MDN1: variants seen among roughly 807,000 people sequenced by gnomAD.
MDN1 encodes midasin.
MDN1 carries 266 observed loss-of-function variants against 669.2 expected under a neutral mutation model. The observed-to-expected ratio is 0.40, with a 90% CI of 0.36 to 0.44. The LOEUF (loss-of-function observed/expected upper bound fraction) is 0.44, where lower values mean the gene tolerates loss of function less well. Ranked by LOEUF, MDN1 falls within the 20% of genes least tolerant of loss-of-function variation. The pLI is 1.00. For missense variants in MDN1, 5,940 were observed against 6,754.0 expected (o/e 0.88, Z 4.22); for synonymous variants, 2,385 against 2,457.1 (o/e 0.97, Z 0.87).
chr6:89,819,232 T>C (rs1014262731), intron 1 of MDN1, among the ~76,000 whole-genome samples: 1 of 152,122 alleles, frequency 6.6e-6, no homozygotes, highest in Non-Finnish European at 1.5e-5. Context: ...AGGCCACCTC[T>C]GCCACAAGCA....
intron 13 of MDN1, among the ~76,000 whole-genome samples, chr6:89,772,928 C>T (rs966978111): frequency 3.3e-5 from 5 of 152,136 alleles, no homozygotes; most frequent in Admixed American, 6.5e-5. Context: ...ACATCTGATA[C>T]GATGCTAGGC....
intron 4 of MDN1, 68 bp from the exon 5 acceptor site, chr6:89,794,022 C>T (rs1351612882): frequency 2.8e-6 from 4 of 1,435,886 alleles, no homozygotes; most frequent in Admixed American, 4.0e-5. Flanking sequence ...CCTGCAGTCA[C>T]CTCTGGCCTG....
intron 1 of MDN1, among the ~76,000 whole-genome samples, chr6:89,813,608 G>C (rs1768602173): frequency 1.3e-5 from 2 of 151,456 alleles, no homozygotes; most frequent in Admixed American, 6.6e-5. Flanking sequence ...TTGTGCACCT[G>C]TTGTCCCAGC....
chr6:89,808,316 C>G (rs1367847626), intron 1 of MDN1, among the ~76,000 whole-genome samples: 1 of 152,052 alleles, frequency 6.6e-6, no homozygotes, highest in Non-Finnish European at 1.5e-5. Flanking sequence ...TTCTAGCAGG[C>G]AGTTAATCAG....
chr6:89,645,634 T>C (rs1808445082), intron 100 of MDN1, among the ~76,000 whole-genome samples: 1 of 152,260 alleles, frequency 6.6e-6, no homozygotes, highest in Admixed American at 6.5e-5. Context: ...TCCTTGTACC[T>C]AATTTCTATA....
At position 89,794,674 on chromosome 6, in the gene MDN1, A is replaced by G; in HGVS notation, c.457T>C (p.Phe153Leu). The G allele has an allele frequency of 6.2e-7, 1 of 1,614,186 alleles. No homozygotes were observed. Among genetic ancestry groups the G allele is most frequent in the Non-Finnish European group, 8.5e-7 (1 of 1,180,036 alleles). The change falls in exon 3 of 102, where the codon TTC (phenylalanine) becomes CTC (leucine). Residue 153 changes from phenylalanine to leucine, a missense_variant. Physicochemically the swap from Phe to Leu is conservative, Grantham distance 22. Coordinates refer to ENST00000369393, the MANE Select transcript of MDN1 (RefSeq NM_014611.3). ...GACTGCTCCTGCTGCAGAAACTTGA[A>G]GGCTGCTTCCATTAGGTCCCGGAGC... Reference protein sequence around the residue: ...MKLRDLMEAAFKFLQQEQSVF... With the variant: ...MKLRDLMEAALKFLQQEQSVF...
chr6:89,741,744 G>T, intron 31 of MDN1, among the ~76,000 whole-genome samples: 1 of 152,138 alleles, frequency 6.6e-6, no homozygotes, highest in East Asian at 1.9e-4. Context: ...AGGGCAAAAA[G>T]ATAGCTCAAC....
intron 70 of MDN1, 138 bp from the exon 71 acceptor site, chr6:89,685,123 C>T: frequency 1.8e-6 from 1 of 567,420 alleles, no homozygotes; most frequent in Non-Finnish European, 3.1e-6. Context: ...TTCACAGGTG[C>T]ATTATTTAGG....
At position 89,645,093 on chromosome 6, in the gene MDN1, T is replaced by A. The variant is rs148335920; in HGVS notation, c.16524A>T (p.Arg5508Ser). The change falls in exon 101 of 102, where the codon AGA (arginine) becomes AGT (serine). Residue 5508 changes from arginine (R) to serine (S), a missense_variant. Around this residue, in one of 5 missense-constraint regions of MDN1, gnomAD observed 2,280 missense variants for 2,576.3 expected, o/e 0.88. Transcript: ENST00000369393. Reference protein sequence around the residue: ...GRGLFLEGKERVLAAVQAARN... With the variant: ...GRGLFLEGKESVLAAVQAARN... The stretch of plus-strand genomic sequence containing the variant: ...GGGCAGCCTGAACTGCTGCCAGGAC[T>A]CTTTCTTTGCCCTCAAGGAAAAGGC... 1.9e-6 allele frequency: 3 copies of A among 1,612,534 alleles called. No homozygotes were observed. Among genetic ancestry groups the A allele is most frequent in the Non-Finnish European group, 2.5e-6 (3 of 1,178,622 alleles).
chr6:89,803,895 C>CTTTTTTTTT (rs56246331), intron 1 of MDN1, among the ~76,000 whole-genome samples: 12 of 76,376 alleles, frequency 1.6e-4, no homozygotes, highest in South Asian at 1.1e-3. Context: ...CTTTTCTTTT[C>CTTTTTTTTT]TTTTTTTTTT....
chr6:89,806,124 A>C (rs867799536), intron 1 of MDN1, among the ~76,000 whole-genome samples: 53 of 152,094 alleles, frequency 3.5e-4, no homozygotes, highest in African/African-American at 1.2e-3. Context: ...TTTTGTAGAC[A>C]TGGGGGTCTC....
At chr6:89,794,927 T>A (rs948408058) in intron 2 of MDN1, 126 bp from the exon 3 acceptor site, 1 of 788,870 alleles carries the variant, frequency 1.3e-6, no homozygotes, top group South Asian at 1.8e-5. Flanking sequence ...AAAAGGAGTA[T>A]CTATATTTTC....
chr6:89,810,122 A>G (rs1768309687), intron 1 of MDN1, among the ~76,000 whole-genome samples: 1 of 151,898 alleles, frequency 6.6e-6, no homozygotes, highest in Non-Finnish European at 1.5e-5. Context: ...CTGTCATAAC[A>G]AAATACCACA....
intron 13 of MDN1, among the ~76,000 whole-genome samples, chr6:89,774,092 C>T (rs1451920309): frequency 6.6e-6 from 1 of 152,152 alleles, no homozygotes; most frequent in Non-Finnish European, 1.5e-5. Flanking sequence ...ACACTTCCAG[C>T]CTCCAGGACT....
chr6:89,750,915 G>GTT (rs1453888655), intron 23 of MDN1, among the ~76,000 whole-genome samples: 1 of 44,386 alleles, frequency 2.3e-5, no homozygotes, highest in Admixed American at 2.4e-4. Context: ...GTATTATTTT[G>GTT]GTTTTTTTTT....
chr6:89,804,951 G>C (rs1294506180), intron 1 of MDN1, among the ~76,000 whole-genome samples: 1 of 148,814 alleles, frequency 6.7e-6, no homozygotes, highest in Admixed American at 6.8e-5. Context: ...CAGTAGAATG[G>C]TGTGAACCCC....
In MDN1 at chr6:89,768,739, C is replaced by G. The variant is rs565345618; in HGVS notation, c.2144+2822G>C. Among the ~76,000 whole-genome samples the G allele has an allele frequency of 9.9e-5, 15 of 151,668 alleles. No individual in the cohort carries two copies. In the South Asian group the frequency reaches 1.0e-3, roughly 10 times the overall value. On this transcript the variant is annotated intron_variant, in intron 15 of 101. Coordinates refer to ENST00000369393, the MANE Select transcript of MDN1 (RefSeq NM_014611.3). ...GCAACAGAGTGAGACCCTGTCCCCC[C>G]CCAAAAAAAGAGTTAAAATTAAATA...
At chr6:89,690,625 G>GAATTCATCCAAAACAAAATT in intron 64 of MDN1, 48 bp downstream of exon 64, 1 of 1,601,990 alleles carries the variant, frequency 6.2e-7, no homozygotes, top group Non-Finnish European at 8.5e-7. Flanking sequence ...AATGTATATG[G>GAATTCATCCAAAACAAAATT]CATCAAGGGA....
chr6:89,746,367 A>G (rs929623657), intron 27 of MDN1, among the ~76,000 whole-genome samples: 1 of 151,974 alleles, frequency 6.6e-6, no homozygotes, highest in Admixed American at 6.6e-5. Context: ...GGCAGATCAC[A>G]AGGTCAGGAG....
Sources: allele counts gnomAD v4.1 joint callset (sites outside exome capture counted in the v4.1 genomes callset), GRCh38; gene constraint gnomAD v4.1.1; regional missense constraint gnomAD v4.1.1; transcripts MANE v1.5; gene names NCBI Gene and HGNC (gene_info 2026-07-23, HGNC 2026-07-21).